REEP3: variants seen among roughly 807,000 people sequenced by gnomAD.
REEP3 encodes the protein receptor expression-enhancing protein 3.
REEP3 carries 20 observed loss-of-function variants against 41.3 expected under a neutral mutation model. The observed-to-expected ratio is 0.48, with a 90% CI of 0.34 to 0.70. REEP3 has a LOEUF of 0.70. Ranked by LOEUF, REEP3 falls within the 30% of genes least tolerant of loss-of-function variation. The pLI, the probability that REEP3 is intolerant of heterozygous loss-of-function variation, is 0.01. For missense variants in REEP3, 271 were observed against 308.8 expected, an observed-to-expected ratio of 0.88 and a Z score of 0.92; for synonymous variants, 104 against 101.8, an observed-to-expected ratio of 1.02 and a Z score of -0.13.
intron 2 of REEP3, among the ~76,000 whole-genome samples, chr10:63,587,754 C>T (rs1448021886): frequency 2.0e-5 from 3 of 152,156 alleles, no homozygotes; most frequent in Non-Finnish European, 2.9e-5. Context: ...TCTCAAAAGC[C>T]TCACCTCATA....
intron 7 of REEP3, 42 bp downstream of exon 7, chr10:63,619,842 G>T: frequency 1.9e-6 from 3 of 1,539,454 alleles, no homozygotes; most frequent in Non-Finnish European, 2.7e-6. Context: ...ATTAGTGAAG[G>T]ATTTCCCTGC....
chr10:63,607,540 C>G (rs1956240232), intron 5 of REEP3, among the ~76,000 whole-genome samples: 1 of 152,132 alleles, frequency 6.6e-6, no homozygotes, highest in African/African-American at 2.4e-5. Context: ...TGCTGCTGAA[C>G]CTCTGCAAAA....
chr10:63,527,565 C>T (rs187071043), intron 1 of REEP3, among the ~76,000 whole-genome samples: 130 of 151,424 alleles, frequency 8.6e-4, no homozygotes, highest in South Asian at 2.1e-4. Flanking sequence ...CCTGTAATCC[C>T]GGCTACTGTG....
chr10:63,597,541 C>T (rs923790362), intron 3 of REEP3, among the ~76,000 whole-genome samples: 1 of 152,206 alleles, frequency 6.6e-6, no homozygotes, highest in Non-Finnish European at 1.5e-5. Context: ...TCAGGTCACA[C>T]ATTCATGAAC....
intron 2 of REEP3, among the ~76,000 whole-genome samples, chr10:63,590,874 A>T (rs751559139): frequency 5.3e-5 from 8 of 152,240 alleles, no homozygotes; most frequent in Non-Finnish European, 8.8e-5. Context: ...TAAAGTTAGT[A>T]ACCTTTTTTC....
chr10:63,564,839 G>A (rs192530632), intron 1 of REEP3, among the ~76,000 whole-genome samples: 4 of 152,328 alleles, frequency 2.6e-5, no homozygotes, highest in Admixed American at 6.5e-5. Flanking sequence ...GAACATCAGT[G>A]ATGACAAAGT....
intron 5 of REEP3, among the ~76,000 whole-genome samples, chr10:63,609,624 G>A (rs1449772674): frequency 6.6e-6 from 1 of 152,046 alleles, no homozygotes; most frequent in Non-Finnish European, 1.5e-5. Context: ...AGCTGGATAT[G>A]GTGGCACATG....
At chr10:63,560,755 T>C (rs1435974517) in intron 1 of REEP3, among the ~76,000 whole-genome samples, 1 of 152,210 alleles carries the variant, frequency 6.6e-6, no homozygotes, top group Non-Finnish European at 1.5e-5. Flanking sequence ...CCATTTATCT[T>C]GTAGGTGGCC....
intron 5 of REEP3, among the ~76,000 whole-genome samples, chr10:63,604,231 C>A (rs986124238): frequency 6.6e-6 from 1 of 152,168 alleles, no homozygotes; most frequent in African/African-American, 2.4e-5. Context: ...ACCTCATTAC[C>A]AGGCATCTGT....
chr10:63,610,111 A>G (rs1956266281), intron 5 of REEP3, 76 bp from the exon 6 acceptor site: 19 of 1,247,686 alleles, frequency 1.5e-5, no homozygotes, highest in Non-Finnish European at 2.1e-5. Flanking sequence ...AGTTATCTTA[A>G]TAAAATGTTC....
intron 2 of REEP3, among the ~76,000 whole-genome samples, chr10:63,570,899 G>C (rs1463718426): frequency 1.3e-5 from 2 of 152,090 alleles, no homozygotes; most frequent in Non-Finnish European, 2.9e-5. Context: ...CTGATCTCTT[G>C]AGCCCAGGAG....
chr10:63,589,859 A>G (rs1474069588), intron 2 of REEP3, among the ~76,000 whole-genome samples: 1 of 121,646 alleles, frequency 8.2e-6, no homozygotes, highest in African/African-American at 3.2e-5. Context: ...TAGTGTCATG[A>G]TCTCACCTCA....
chr10:63,545,210 TATAAC>T (rs1230812474), intron 1 of REEP3, among the ~76,000 whole-genome samples: 7 of 152,220 alleles, frequency 4.6e-5, no homozygotes, highest in Admixed American at 1.3e-4. Flanking sequence ...TAGACATACA[TATAAC>T]ATACAGTGAA....
At chr10:63,579,676 G>C (rs1409201598) in intron 2 of REEP3, among the ~76,000 whole-genome samples, 7 of 152,190 alleles carry the variant, frequency 4.6e-5, no homozygotes, top group African/African-American at 1.7e-4. Flanking sequence ...AAGCAATCAG[G>C]CTTTTGCTAA....
intron 1 of REEP3, among the ~76,000 whole-genome samples, chr10:63,556,826 G>C (rs1418290823): frequency 1.3e-5 from 2 of 149,852 alleles, no homozygotes; most frequent in Non-Finnish European, 3.0e-5. Flanking sequence ...TAGTAGAGAC[G>C]GGGTTTCACC....
chr10:63,557,841 A>C (rs1288072190), intron 1 of REEP3, among the ~76,000 whole-genome samples: 3 of 152,264 alleles, frequency 2.0e-5, no homozygotes, highest in Non-Finnish European at 2.9e-5. Context: ...TCTGAGGACC[A>C]CAAGTGTTGA....
intron 1 of REEP3, among the ~76,000 whole-genome samples, chr10:63,563,457 A>T (rs1231262326): frequency 1.3e-5 from 2 of 152,160 alleles, no homozygotes; most frequent in African/African-American, 2.4e-5. Flanking sequence ...GTCCCCCTTT[A>T]TCAGAGGGGA....
chr10:63,596,529 A>T (rs1479698823), intron 3 of REEP3, among the ~76,000 whole-genome samples: 1 of 152,138 alleles, frequency 6.6e-6, no homozygotes, highest in Non-Finnish European at 1.5e-5. Flanking sequence ...CTACCTGCCC[A>T]CCTTGACAGA....
intron 1 of REEP3, among the ~76,000 whole-genome samples, chr10:63,545,149 G>C (rs910209231): frequency 6.6e-6 from 1 of 152,036 alleles, no homozygotes; most frequent in African/African-American, 2.4e-5. Flanking sequence ...GTGATTATGG[G>C]TACTTGTTTC....
Sources: allele counts gnomAD v4.1 joint callset (sites outside exome capture counted in the v4.1 genomes callset), GRCh38; gene constraint gnomAD v4.1.1; transcripts MANE v1.5; gene names NCBI Gene and HGNC (gene_info 2026-07-23, HGNC 2026-07-21).